PIK3R3: variants seen among roughly 807,000 people sequenced by gnomAD.
PIK3R3 encodes the protein phosphoinositide-3-kinase regulatory subunit 3, also known as phosphatidylinositol 3-kinase regulatory subunit gamma.
PIK3R3 carries 64 observed loss-of-function variants against 62.9 expected under a neutral mutation model. The ratio of observed to expected loss-of-function variants is 1.02; its 90% CI spans 0.83 to 1.25. PIK3R3 has a LOEUF of 1.25. Ranked by LOEUF, PIK3R3 falls within the 50% of genes most tolerant of loss-of-function variation. The probability of loss-of-function intolerance (pLI) is 0.00; values close to 1 mark genes in which losing one functional copy is unlikely to be tolerated. For synonymous variants in PIK3R3, 165 were observed against 189.0 expected, an observed-to-expected ratio of 0.87 and a Z score of 1.04; for missense variants, 614 against 561.6, an observed-to-expected ratio of 1.09 and a Z score of -0.94.
chr1:46,086,206 CTG>C (rs1176082148), intron 1 of PIK3R3, among the ~76,000 whole-genome samples: 5 of 152,108 alleles, frequency 3.3e-5, no homozygotes, highest in Non-Finnish European at 7.3e-5. Flanking sequence ...AGTACACAAA[CTG>C]TTAATAGTGA....
chr1:46,074,286 C>CAAAAAAA (rs1179172400), intron 3 of PIK3R3, among the ~76,000 whole-genome samples: 4 of 20,830 alleles, frequency 1.9e-4, no homozygotes, highest in Non-Finnish European at 3.5e-4. Flanking sequence ...TAGACTCCGT[C>CAAAAAAA]AAAAAAAAAA....
chr1:46,058,346 A>AC (rs1198093668), intron 6 of PIK3R3, among the ~76,000 whole-genome samples: 1 of 152,250 alleles, frequency 6.6e-6, no homozygotes, highest in Non-Finnish European at 1.5e-5. Context: ...AAGCCGCCAC[A>AC]CAGAGTTCCT....
chr1:46,109,633 G>A lies in PIK3R3; in HGVS notation c.106+22214C>T, dbSNP rs549225653. Among the ~76,000 whole-genome samples, 234 of 152,016 alleles carry A rather than the reference G, an allele frequency of 1.5e-3. 2 individuals carry two copies. The highest frequency in any genetic ancestry group is 5.5e-3 in the African/African-American group (227 of 41,452). ...CGAGTAGCTGGGATTACAGGCGCCC[G>A]CCAACACCCCCGGCTAGTTTTTTTG... On this transcript the variant is annotated intron_variant, in intron 1 of 9. Transcript: ENST00000262741.
At chr1:46,046,724 C>A in intron 7 of PIK3R3, 99 bp from the exon 8 acceptor site, 2 of 755,124 alleles carry the variant, frequency 2.6e-6, no homozygotes, top group Non-Finnish European at 4.5e-6. Flanking sequence ...CTAGACACCT[C>A]TTGTTTTTCC....
rs777668187 is a variant in PIK3R3 at position 46,071,759 on chromosome 1, A to AGAGAGAGAGAGAGAGAGAGCGC, written c.315-4669_315-4668insGCGCTCTCTCTCTCTCTCTCTC. ...GAGAGAGAGAGAGAGAGAGAGAGAG[A>AGAGAGAGAGAGAGAGAGAGCGC]GCGCGCGCCTGATCACAATTTCCCT... On this transcript the variant is annotated intron_variant, in intron 3 of 9. Coordinates refer to ENST00000262741, the MANE Select transcript of PIK3R3 (RefSeq NM_003629.4). Among the ~76,000 whole-genome samples the AGAGAGAGAGAGAGAGAGAGCGC allele has an allele frequency of 9.0e-5, 9 of 100,122 alleles. No individual in the cohort carries two copies. In the East Asian group the frequency reaches 9.9e-4, roughly 11 times the overall value. 65.7% of individuals were successfully genotyped at this position (100,122 alleles called of 152,430 possible).
the PIK3R3 span, among the ~76,000 whole-genome samples, chr1:46,144,488 G>A: frequency 1.3e-5 from 2 of 152,174 alleles, no homozygotes; most frequent in Non-Finnish European, 2.9e-5. Context: ...CTCAATCCTC[G>A]GCCAGGTGCG....
chr1:46,089,727 A>G (rs994679795), intron 1 of PIK3R3, among the ~76,000 whole-genome samples: 6 of 152,004 alleles, frequency 3.9e-5, no homozygotes, highest in South Asian at 2.1e-4. Context: ...AAAAAAAAAA[A>G]AAAGAAAGGA....
At chr1:46,143,094 G>A in the PIK3R3 span, among the ~76,000 whole-genome samples, 1 of 152,220 alleles carries the variant, frequency 6.6e-6, no homozygotes, top group South Asian at 2.1e-4. Flanking sequence ...CCTAAAGAAT[G>A]GGCCACTCAA....
At chr1:46,058,981 A>G (rs751353709) in intron 6 of PIK3R3, among the ~76,000 whole-genome samples, 13 of 152,222 alleles carry the variant, frequency 8.5e-5, no homozygotes, top group Admixed American at 6.5e-4. Flanking sequence ...TTGTACTCCC[A>G]TAATTCCCAC....
the PIK3R3 span, among the ~76,000 whole-genome samples, chr1:46,147,138 G>A: frequency 5.3e-5 from 8 of 152,094 alleles, no homozygotes; most frequent in African/African-American, 1.7e-4. Flanking sequence ...ATGGAATCAC[G>A]CTCTGTCGCC....
intron 1 of PIK3R3, among the ~76,000 whole-genome samples, chr1:46,109,178 AAAAAAT>A (rs199514041): frequency 0.44 from 64,608 of 148,480 alleles, 13,974 homozygotes; most frequent in East Asian, 0.61. Flanking sequence ...AAAAAAAAAA[AAAAAAT>A]TATGTTTCTC....
chr1:46,124,926 C>T (rs996453863), intron 1 of PIK3R3, among the ~76,000 whole-genome samples: 1 of 151,646 alleles, frequency 6.6e-6, no homozygotes, highest in Non-Finnish European at 1.5e-5. Context: ...GGTGAAACCC[C>T]GTCTCTACTT....
At position 46,066,125 on chromosome 1, in the gene PIK3R3, AT is replaced by A; in HGVS notation, c.549del (p.Glu183AspfsTer29). The A allele has an allele frequency of 6.3e-7, 1 of 1,597,396 alleles. No individual in the cohort carries two copies. Among genetic ancestry groups the A allele is most frequent in the South Asian group, 1.1e-5 (1 of 90,768 alleles). ...NIDAVGKKLQ[E>X]YHSQYQEKSK... ...CTCTTCTCCTGATACTGAGAGTGGT[AT>A]TCTTGCAGTTTTTTACCTACTGCAT... On this transcript the variant is annotated frameshift_variant, in exon 5 of 10. Coordinates refer to ENST00000262741, the MANE Select transcript of PIK3R3 (RefSeq NM_003629.4). LOFTEE classifies it high-confidence loss of function.
intron 1 of PIK3R3, among the ~76,000 whole-genome samples, chr1:46,087,749 A>G (rs1027852105): frequency 5.3e-5 from 8 of 152,072 alleles, no homozygotes; most frequent in African/African-American, 1.9e-4. Flanking sequence ...TCATCACCTT[A>G]TCACTTCTCA....
intron 1 of PIK3R3, among the ~76,000 whole-genome samples, chr1:46,097,613 C>T (rs959774018): frequency 1.3e-5 from 2 of 149,880 alleles, no homozygotes; most frequent in Admixed American, 6.6e-5. Context: ...AGGGGCTGGG[C>T]GTGGTGGCTC....
chr1:46,172,817 A>G, the PIK3R3 span, among the ~76,000 whole-genome samples: 1 of 151,910 alleles, frequency 6.6e-6, no homozygotes. Context: ...ACATGGCAAA[A>G]CCCCATCTCT....
chr1:46,166,348 G>A, the PIK3R3 span, among the ~76,000 whole-genome samples: 1 of 151,564 alleles, frequency 6.6e-6, no homozygotes, highest in South Asian at 2.1e-4. Flanking sequence ...TTCAGCCCCC[G>A]AGTAGTTGGG....
At position 46,044,915 on chromosome 1, in the gene PIK3R3, T is replaced by C. The variant is rs1226517242; in HGVS notation, c.1187+1003A>G. Among the ~76,000 whole-genome samples, 2 of 152,360 alleles carry C rather than the reference T, an allele frequency of 1.3e-5. No homozygotes were observed. The highest frequency in any genetic ancestry group is 3.9e-4 in the East Asian group (2 of 5,186). On this transcript the variant is annotated intron_variant, in intron 9 of 9. Coordinates refer to ENST00000262741, the MANE Select transcript of PIK3R3 (RefSeq NM_003629.4). The surrounding 1 kb of genome is among the most constrained non-coding windows in gnomAD (Gnocchi z 4.2). ...ACTCCATGATACAAGTAGAGCACTA[T>C]GAACAAGATGATCACATAAAGCACT...
chr1:46,154,688 C>T, the PIK3R3 span, among the ~76,000 whole-genome samples: 98 of 152,264 alleles, frequency 6.4e-4, no homozygotes, highest in South Asian at 0.02. Flanking sequence ...ACCTCATCTC[C>T]TTTTAACCCT....
Sources: gnomAD v4.1 joint callset for allele counts (sites outside exome capture counted in the v4.1 genomes callset) on GRCh38, gnomAD v4.1.1 for gene constraint, Gnocchi (gnomAD v3.1) non-coding constraint, MANE v1.5 for transcripts, NCBI Gene and HGNC (gene_info 2026-07-23, HGNC 2026-07-21) for gene names.